TCF7L2: variants seen among roughly 807,000 people sequenced by gnomAD.
The protein encoded by TCF7L2 is transcription factor 7 like 2.
In TCF7L2, 23 loss-of-function variants were observed where a neutral mutation model predicts 77.9. The ratio of observed to expected loss-of-function variants is 0.30; its 90% confidence interval spans 0.21 to 0.42. The LOEUF is 0.42. Ranked by LOEUF, TCF7L2 falls within the 10% of genes least tolerant of loss-of-function variation. The pLI is 1.00. For synonymous variants in TCF7L2, 413 were observed against 340.2 expected (o/e 1.21, Z -2.36); for missense variants, 654 against 793.1 (o/e 0.82, Z 2.11).
chr10:113,155,378 T>A (rs2071648473), intron 11 of TCF7L2, among the ~76,000 whole-genome samples: 1 of 152,070 alleles, frequency 6.6e-6, no homozygotes, highest in Admixed American at 6.5e-5. Context: ...AGGCCCTTTC[T>A]TTCTTCTGTT....
At chr10:113,009,925 T>A (rs2046180755) in intron 4 of TCF7L2, among the ~76,000 whole-genome samples, 1 of 152,136 alleles carries the variant, frequency 6.6e-6, no homozygotes, top group African/African-American at 2.4e-5. Flanking sequence ...AAAAGACAAT[T>A]GTGTGAGTCC....
chr10:113,001,377 G>A (rs954747471), intron 4 of TCF7L2, among the ~76,000 whole-genome samples: 5 of 152,208 alleles, frequency 3.3e-5, no homozygotes, highest in Non-Finnish European at 7.4e-5. Flanking sequence ...TGCCTGCAGG[G>A]TAAGTAGAAC....
intron 4 of TCF7L2, among the ~76,000 whole-genome samples, chr10:112,990,504 C>T (rs766068881): frequency 6.6e-6 from 1 of 151,962 alleles, no homozygotes; most frequent in Non-Finnish European, 1.5e-5. Flanking sequence ...CCCAGAAATT[C>T]GAGACCAGCC....
chr10:113,157,280 G>A lies in TCF7L2; in HGVS notation c.1270-741G>A, dbSNP rs147143832. ...GCTACAGGCATGCACCACCATGCCC[G>A]GCTAATTTTGCATTTTTAGTAGAGA... is the stretch of plus-strand genomic sequence containing the variant. On this transcript the variant is annotated intron_variant, in intron 11 of 13. Transcript: ENST00000627217. 6.7e-3 allele frequency among the ~76,000 whole-genome samples: 1,027 copies of A among 152,268 alleles called. 8 individuals are homozygous for A. Among genetic ancestry groups the A allele is most frequent in the African/African-American group, 0.023 (942 of 41,556 alleles).
At chr10:113,122,060 C>T (rs1469719037) in intron 5 of TCF7L2, among the ~76,000 whole-genome samples, 1 of 152,208 alleles carries the variant, frequency 6.6e-6, no homozygotes, top group African/African-American at 2.4e-5. Flanking sequence ...TAGTGACATT[C>T]TTCTGTCCAA....
chr10:113,109,151 T>C (rs2062798540), intron 5 of TCF7L2, among the ~76,000 whole-genome samples: 1 of 152,146 alleles, frequency 6.6e-6, no homozygotes, highest in Non-Finnish European at 1.5e-5. Flanking sequence ...CGCACTGGCA[T>C]TTTCCATCAT....
intron 13 of TCF7L2, chr10:113,161,278 T>TA: frequency 2.3e-6 from 1 of 442,674 alleles, no homozygotes. Flanking sequence ...ATGCACCAGC[T>TA]AAAGGGCTGC....
chr10:113,015,355 C>A (rs2047151041), intron 4 of TCF7L2, among the ~76,000 whole-genome samples: 1 of 151,992 alleles, frequency 6.6e-6, no homozygotes, highest in South Asian at 2.1e-4. Context: ...TTATTATTAG[C>A]TTGCCCCAGA....
intron 4 of TCF7L2, among the ~76,000 whole-genome samples, chr10:112,997,476 G>C (rs375058499): frequency 1.3e-4 from 20 of 152,214 alleles, no homozygotes; most frequent in East Asian, 5.8e-4. Flanking sequence ...GTGAAACAAT[G>C]GTAGTGCCAT....
intron 12 of TCF7L2, among the ~76,000 whole-genome samples, chr10:113,158,393 C>T (rs1350675681): frequency 1.3e-5 from 2 of 151,716 alleles, no homozygotes; most frequent in Admixed American, 6.6e-5. Flanking sequence ...TTTGTGTGTG[C>T]CTGAGAAGGG....
At chr10:113,034,975 T>A (rs1467993456) in intron 4 of TCF7L2, among the ~76,000 whole-genome samples, 1 of 151,180 alleles carries the variant, frequency 6.6e-6, no homozygotes, top group African/African-American at 2.5e-5. Context: ...CTCCTTCCCT[T>A]TCCTCCCCTT....
chr10:113,112,414 G>T (rs1443864321), intron 5 of TCF7L2, among the ~76,000 whole-genome samples: 1 of 152,192 alleles, frequency 6.6e-6, no homozygotes, highest in East Asian at 1.9e-4. Flanking sequence ...TTGGGGCAGA[G>T]GTGAAATCAC....
Position 113,165,948 on chromosome 10 carries a change from G to A in TCF7L2, c.1785G>A (p.Ser595=), listed in dbSNP as rs1329289853. 6 of 1,537,076 alleles carry A rather than the reference G, an allele frequency of 3.9e-6. No individual in the cohort carries two copies. The highest frequency in any genetic ancestry group is 1.4e-5 in the African/African-American group (1 of 72,210). ...CCGGGACCCAGCCCCAGCCGCTGTCGCTCGTCACCAAGTCTTTAGAATAGC... is the reference window on the plus strand; with the variant it reads ...CCGGGACCCAGCCCCAGCCGCTGTCACTCGTCACCAAGTCTTTAGAATAGC... The change falls in exon 14 of 14, where the codon TCG becomes TCA. Residue 595 remains serine, a synonymous_variant. Coordinates refer to ENST00000627217, the MANE Select transcript of TCF7L2 (RefSeq NM_001146274.2).
At chr10:113,044,339 T>C (rs1260043396) in intron 5 of TCF7L2, among the ~76,000 whole-genome samples, 1 of 152,224 alleles carries the variant, frequency 6.6e-6, no homozygotes, top group African/African-American at 2.4e-5. Flanking sequence ...GCTGAACCTT[T>C]GCTTTTTGTT....
At chr10:113,102,129 A>C (rs1264944783) in intron 5 of TCF7L2, among the ~76,000 whole-genome samples, 6 of 147,864 alleles carry the variant, frequency 4.1e-5, no homozygotes, top group Non-Finnish European at 4.5e-5. Flanking sequence ...AAAAAAAAAA[A>C]AAAAAAAAAA....
chr10:112,975,415 G>A (rs1031543569), intron 4 of TCF7L2, among the ~76,000 whole-genome samples: 4 of 152,136 alleles, frequency 2.6e-5, no homozygotes, highest in South Asian at 2.1e-4. Context: ...GACATTTTGG[G>A]CTGGAGAATT....
chr10:113,107,752 T>TAAAAAA (rs398014821), intron 5 of TCF7L2, among the ~76,000 whole-genome samples: 5,312 of 55,122 alleles, frequency 0.096, 781 homozygotes, highest in Non-Finnish European at 0.13. Context: ...AGACTCCGTC[T>TAAAAAA]AAAAAAAAAA....
chr10:113,011,830 CTT>C (rs1276162160), intron 4 of TCF7L2, among the ~76,000 whole-genome samples: 1 of 151,362 alleles, frequency 6.6e-6, no homozygotes, highest in Non-Finnish European at 1.5e-5. Context: ...GAGTATTGCT[CTT>C]GAGTATTACC....
intron 5 of TCF7L2, among the ~76,000 whole-genome samples, chr10:113,137,262 G>A (rs1157321270): frequency 3.3e-5 from 5 of 152,086 alleles, no homozygotes; most frequent in Admixed American, 1.3e-4. Context: ...CCCCTGCTCC[G>A]TGAATTAAAT....
Sources: allele counts gnomAD v4.1 joint callset (sites outside exome capture counted in the v4.1 genomes callset), GRCh38; gene constraint gnomAD v4.1.1; transcripts MANE v1.5; gene names NCBI Gene and HGNC (gene_info 2026-07-23, HGNC 2026-07-21).